PDE10A: variants seen among roughly 807,000 people sequenced by gnomAD.
The protein encoded by PDE10A is cAMP and cAMP-inhibited cGMP 3',5'-cyclic phosphodiesterase 10A.
PDE10A carries 39 observed loss-of-function variants against 97.7 expected under a neutral mutation model. That is an observed-to-expected ratio of 0.40 (90% CI 0.31 to 0.52). PDE10A has a LOEUF of 0.52. PDE10A is among the 20% of genes least tolerant of loss of function. PDE10A has a pLI of 0.56. For synonymous variants in PDE10A, 371 were observed against 376.8 expected (o/e 0.98, Z 0.18); for missense variants, 731 against 1,047.8 (o/e 0.70, Z 4.17).
At chr6:165,376,032 C>T (rs541670711) in intron 18 of PDE10A, among the ~76,000 whole-genome samples, 4 of 152,326 alleles carry the variant, frequency 2.6e-5, no homozygotes, top group African/African-American at 7.2e-5. Flanking sequence ...AGCCTGTTCA[C>T]ACAACATCTA....
chr6:165,540,174 G>T (rs9356369), intron 2 of PDE10A, among the ~76,000 whole-genome samples: 23,443 of 152,006 alleles, frequency 0.15, 3,535 homozygotes, highest in African/African-American at 0.38. Context: ...ATCTCATAGC[G>T]AGCGTCTCAT....
chr6:165,639,976 A>G (rs2128419299), intron 1 of PDE10A, among the ~76,000 whole-genome samples: 1 of 151,742 alleles, frequency 6.6e-6, no homozygotes, highest in South Asian at 2.1e-4. Flanking sequence ...AGGCTCAGGC[A>G]GGATGATCAC....
At chr6:165,770,177 A>AG (rs1777966183) in intron 1 of PDE10A, among the ~76,000 whole-genome samples, 1 of 151,780 alleles carries the variant, frequency 6.6e-6, no homozygotes, top group Non-Finnish European at 1.5e-5. Context: ...AAAAAAAAAA[A>AG]AGGAGTTAGG....
chr6:165,630,962 C>A (rs955893990), intron 1 of PDE10A, among the ~76,000 whole-genome samples: 34 of 152,156 alleles, frequency 2.2e-4, no homozygotes, highest in Admixed American at 1.3e-3. Context: ...GGCTTTCCTG[C>A]AAATCAGCCC....
At chr6:165,969,391 A>C (rs776070315) in intron 1 of PDE10A, among the ~76,000 whole-genome samples, 6 of 152,108 alleles carry the variant, frequency 3.9e-5, no homozygotes, top group Non-Finnish European at 8.8e-5. Context: ...CGGTTATGGG[A>C]GATTGGCTAC....
rs761840319 is a variant in PDE10A, at chr6:165,331,472, C to A, written c.*1553G>T. The A allele has an allele frequency of 6.6e-6, 1 of 152,128 alleles. No individual in the cohort carries two copies. The highest frequency in any genetic ancestry group is 1.5e-5 in the Non-Finnish European group (1 of 68,008). The allele number at this position is 152,128 out of a possible 1,614,324, so 9.4% of individuals were successfully genotyped here. On this transcript the variant is annotated 3_prime_UTR_variant, in exon 22 of 22. Transcript: ENST00000539869. ...AGCCTCTGATTTAATTTTGCACAAA[C>A]CAGGCTCATATGAACAAAACGCCTA...
chr6:165,821,075 G>C (rs1779554950), intron 1 of PDE10A, among the ~76,000 whole-genome samples: 1 of 152,214 alleles, frequency 6.6e-6, no homozygotes, highest in African/African-American at 2.4e-5. Flanking sequence ...CAGGGCTGCG[G>C]TGGGGCAGTG....
chr6:165,428,562 G>C, intron 10 of PDE10A, 96 bp downstream of exon 10: 1 of 628,934 alleles, frequency 1.6e-6, no homozygotes, highest in South Asian at 2.0e-5. Flanking sequence ...AATATTGAAA[G>C]TGCCTGTGGA....
At chr6:165,394,257 C>T (rs1032886652) in intron 15 of PDE10A, among the ~76,000 whole-genome samples, 1 of 152,032 alleles carries the variant, frequency 6.6e-6, no homozygotes, top group African/African-American at 2.4e-5. Context: ...GTGATGTTCC[C>T]CTCCCTGTGT....
In PDE10A at chr6:165,828,758, C is replaced by T. The variant is rs146827903; in HGVS notation, c.-615+158771G>A. Among the ~76,000 whole-genome samples, 996 of 152,256 alleles carry T rather than the reference C, an allele frequency of 6.5e-3. 12 individuals are homozygous for T. The highest frequency in any genetic ancestry group is 0.023 in the African/African-American group (963 of 41,544). ...ATCCCAAGGGAAGCAGAGCCCACTGCGGGCAGTGGAGGCCCTGTGCCCCCA... is the reference window on the plus strand; with the variant it reads ...ATCCCAAGGGAAGCAGAGCCCACTGTGGGCAGTGGAGGCCCTGTGCCCCCA... On this transcript the variant is annotated intron_variant, in intron 1 of 19. Coordinates refer to the PDE10A transcript ENST00000366882.
At chr6:165,679,889 G>T (rs887805537) in intron 1 of PDE10A, among the ~76,000 whole-genome samples, 1 of 151,984 alleles carries the variant, frequency 6.6e-6, no homozygotes, top group Admixed American at 6.5e-5. Context: ...TGGCTACTGT[G>T]GGGTGTCTGG....
chr6:165,498,524 GA>G (rs932465252), intron 2 of PDE10A, among the ~76,000 whole-genome samples: 1 of 135,580 alleles, frequency 7.4e-6, no homozygotes, highest in Non-Finnish European at 1.5e-5. Context: ...TCTGAAGTTG[GA>G]AAAAAAATCC....
chr6:165,588,285 T>TC (rs1554291485), intron 1 of PDE10A, among the ~76,000 whole-genome samples: 10 of 44,262 alleles, frequency 2.3e-4, no homozygotes, highest in Non-Finnish European at 8.5e-4. Context: ...TTTTTTCTTT[T>TC]TTTTTTTTTT....
chr6:165,774,578 A>G (rs923449615), intron 1 of PDE10A, among the ~76,000 whole-genome samples: 1 of 147,886 alleles, frequency 6.8e-6, no homozygotes, highest in African/African-American at 2.5e-5. Flanking sequence ...ATATTATTTT[A>G]TATACTATAT....
chr6:165,414,925 C>T (rs895269802), intron 12 of PDE10A, among the ~76,000 whole-genome samples: 2 of 152,146 alleles, frequency 1.3e-5, no homozygotes, highest in Admixed American at 6.5e-5. Flanking sequence ...CCCCTCACTT[C>T]GAGCATTTTT....
chr6:165,394,388 G>A (rs1785970789), intron 15 of PDE10A, among the ~76,000 whole-genome samples: 1 of 152,028 alleles, frequency 6.6e-6, no homozygotes, highest in South Asian at 2.1e-4. Context: ...CCCTGCAAAG[G>A]ACATGAACTC....
chr6:165,363,628 G>C (rs1277856604), intron 18 of PDE10A, among the ~76,000 whole-genome samples: 2 of 152,068 alleles, frequency 1.3e-5, no homozygotes, highest in Non-Finnish European at 2.9e-5. Context: ...TGTGCACAAA[G>C]AGAAACCTAA....
At chr6:165,903,878 G>C (rs77226594) in intron 1 of PDE10A, among the ~76,000 whole-genome samples, 1,729 of 152,294 alleles carry the variant, frequency 0.011, 27 homozygotes, top group African/African-American at 0.037. Flanking sequence ...CTATGGAAAA[G>C]AAGAGGGCAT....
At chr6:165,504,130 A>G (rs1276831430) in intron 2 of PDE10A, among the ~76,000 whole-genome samples, 4 of 152,200 alleles carry the variant, frequency 2.6e-5, no homozygotes, top group Non-Finnish European at 4.4e-5. Flanking sequence ...GAATAATTCT[A>G]GAATCCTACC....
Sources: gnomAD v4.1 joint callset for allele counts (sites outside exome capture counted in the v4.1 genomes callset) on GRCh38, gnomAD v4.1.1 for gene constraint, MANE v1.5 for transcripts, NCBI Gene and HGNC (gene_info 2026-07-23, HGNC 2026-07-21) for gene names.